The following AAK1 variants were observed in gnomAD, a reference collection of about 807,000 sequenced individuals.
AAK1 encodes the protein AP2-associated protein kinase 1.
In AAK1, 37 loss-of-function variants were observed where a neutral mutation model predicts 116.0. The ratio of observed to expected loss-of-function variants is 0.32; its 90% CI spans 0.25 to 0.42. The LOEUF is 0.42. AAK1 is among the 10% of genes least tolerant of loss of function. The probability of loss-of-function intolerance (pLI) is 1.00; values close to 1 mark genes in which losing one functional copy is unlikely to be tolerated. For synonymous variants in AAK1, 458 were observed against 439.9 expected, an observed-to-expected ratio of 1.04 and a Z score of -0.51; for missense variants, 919 against 1,170.6, an observed-to-expected ratio of 0.79 and a Z score of 3.14.
chr2:69,544,141 CATTTGTTATAA>C (rs1670832342), intron 4 of AAK1: 2 of 263,780 alleles, frequency 7.6e-6, no homozygotes, highest in Non-Finnish European at 1.4e-5. Context: ...GTGCCTTCAT[CATTTGTTATAA>C]AGCATCACAA....
At chr2:69,587,032 T>A (rs1192019372) in intron 2 of AAK1, among the ~76,000 whole-genome samples, 1 of 152,002 alleles carries the variant, frequency 6.6e-6, no homozygotes, top group African/African-American at 2.4e-5. Flanking sequence ...TCTGCCCAAA[T>A]CAGCAGCTTT....
At chr2:69,580,203 A>G (rs1055718586) in intron 2 of AAK1, among the ~76,000 whole-genome samples, 2 of 152,180 alleles carry the variant, frequency 1.3e-5, no homozygotes, top group Non-Finnish European at 2.9e-5. Flanking sequence ...TTCTTAGTGT[A>G]CTCTCAGAAC....
At chr2:69,498,392 TG>T (rs1308046569) in intron 16 of AAK1, among the ~76,000 whole-genome samples, 1 of 152,104 alleles carries the variant, frequency 6.6e-6, no homozygotes, top group Non-Finnish European at 1.5e-5. Flanking sequence ...GTTCTGCCTC[TG>T]GCATGAGGAG....
At chr2:69,480,100 C>G (rs1471499872) in intron 19 of AAK1, among the ~76,000 whole-genome samples, 1 of 151,912 alleles carries the variant, frequency 6.6e-6, no homozygotes. Context: ...GAGAAGTTTT[C>G]TAGGAGAAAA....
chr2:69,487,953 C>T (rs1055542455), intron 17 of AAK1, among the ~76,000 whole-genome samples: 10 of 152,038 alleles, frequency 6.6e-5, no homozygotes, highest in African/African-American at 2.2e-4. Context: ...CCACGCCCAG[C>T]TAATTTTTGT....
chr2:69,588,559 C>T (rs1342083258), intron 2 of AAK1, among the ~76,000 whole-genome samples: 2 of 152,200 alleles, frequency 1.3e-5, no homozygotes, highest in African/African-American at 2.4e-5. Flanking sequence ...TCCAAATGAT[C>T]AAAGCAGGCC....
At chr2:69,556,785 C>T (rs1404386132) in intron 3 of AAK1, 75 bp downstream of exon 3, 23 of 1,185,234 alleles carry the variant, frequency 1.9e-5, no homozygotes, top group Non-Finnish European at 2.5e-5. Flanking sequence ...GAACAAACCC[C>T]GCTTGGCTTT....
intron 19 of AAK1, 103 bp downstream of exon 19, chr2:69,480,757 G>C: frequency 1.1e-6 from 1 of 909,944 alleles, no homozygotes; most frequent in Non-Finnish European, 1.6e-6. Context: ...GGAACTACCT[G>C]GGCTTCAAAA....
In AAK1 at chr2:69,457,998, C is replaced by T. The variant is rs936667562; in HGVS notation, c.*17871G>A. On this transcript the variant is annotated 3_prime_UTR_variant, in exon 22 of 22. Coordinates refer to ENST00000409085, the MANE Select transcript of AAK1 (RefSeq NM_014911.5). ...TTAAGAAATTGCACAAAGCATAAAT[C>T]ACTTAATTAGGTCCATTTTAATAAA... The T allele has an allele frequency of 2.0e-5, 3 of 152,190 alleles. No homozygotes were observed. Among genetic ancestry groups the T allele is most frequent in the Admixed American group, 6.5e-5 (1 of 15,286 alleles). 9.4% of individuals were successfully genotyped at this position (152,190 alleles called of 1,614,324 possible). A position where few individuals can be genotyped will look rare whatever the true frequency, so the allele number is the denominator to read the frequency against.
intron 2 of AAK1, among the ~76,000 whole-genome samples, chr2:69,615,966 T>C (rs1178349019): frequency 6.6e-6 from 1 of 152,230 alleles, no homozygotes; most frequent in Non-Finnish European, 1.5e-5. Context: ...CTGGGCATGG[T>C]GGCTCATGCC....
At chr2:69,487,047 G>A (rs1258713356) in intron 17 of AAK1, among the ~76,000 whole-genome samples, 1 of 152,204 alleles carries the variant, frequency 6.6e-6, no homozygotes, top group Non-Finnish European at 1.5e-5. Flanking sequence ...GCAAGCAAGA[G>A]AGCTAGCTGA....
intron 20 of AAK1, chr2:69,478,519 C>G (rs1016597434): frequency 1.7e-5 from 3 of 179,560 alleles, no homozygotes; most frequent in African/African-American, 7.2e-5. Flanking sequence ...GTGGTGCGAT[C>G]ATGGCTCACT....
chr2:69,544,057 A>G (rs1429513397), intron 4 of AAK1, among the ~76,000 whole-genome samples: 2 of 152,246 alleles, frequency 1.3e-5, no homozygotes, highest in African/African-American at 4.8e-5. Context: ...TGAGTGGGAA[A>G]GAGAACACAC....
intron 6 of AAK1, chr2:69,531,468 C>T: frequency 2.2e-6 from 1 of 460,116 alleles, no homozygotes; most frequent in Non-Finnish European, 2.9e-6. Context: ...GTGCTGTTGC[C>T]TGTAAAAAAT....
At chr2:69,615,615 C>G (rs60663221) in intron 2 of AAK1, among the ~76,000 whole-genome samples, 3,316 of 152,222 alleles carry the variant, frequency 0.022, 111 homozygotes, top group African/African-American at 0.074. Flanking sequence ...TATGAATTTG[C>G]TCTTATATGA....
chr2:69,488,179 T>TGTGTGTGTGTGTGTG (rs1572887799), intron 17 of AAK1, among the ~76,000 whole-genome samples: 3 of 151,352 alleles, frequency 2.0e-5, no homozygotes, highest in African/African-American at 7.3e-5. Context: ...TGTGTGTGTG[T>TGTGTGTGTGTGTGTG]TTGAGGGAGG....
chr2:69,574,855 C>T (rs547569377), intron 2 of AAK1, among the ~76,000 whole-genome samples: 107 of 151,700 alleles, frequency 7.1e-4, no homozygotes, highest in Non-Finnish European at 1.2e-3. Context: ...CCTAGCTACT[C>T]GGGAGGCTGA....
intron 17 of AAK1, among the ~76,000 whole-genome samples, chr2:69,492,271 TG>T (rs1478060697): frequency 6.6e-6 from 1 of 151,838 alleles, no homozygotes; most frequent in East Asian, 1.9e-4. Flanking sequence ...TGGAGTGCAG[TG>T]GCGCGATCTC....
intron 8 of AAK1, among the ~76,000 whole-genome samples, chr2:69,528,206 C>G (rs886843054): frequency 1.3e-5 from 2 of 152,166 alleles, no homozygotes; most frequent in African/African-American, 4.8e-5. Context: ...GCCAGAAGGA[C>G]AGGGTAGAGA....
Sources: gnomAD v4.1 joint callset for allele counts (sites outside exome capture counted in the v4.1 genomes callset) on GRCh38, gnomAD v4.1.1 for gene constraint, MANE v1.5 for transcripts, NCBI Gene and HGNC (gene_info 2026-07-23, HGNC 2026-07-21) for gene names.